The following PPP1R9A variants were observed in gnomAD, a reference collection of about 807,000 sequenced individuals.
The protein encoded by PPP1R9A is protein phosphatase 1 regulatory subunit 9A, also known as neurabin-1.
In PPP1R9A, 59 loss-of-function variants were observed where a neutral mutation model predicts 141.9. The ratio of observed to expected loss-of-function variants is 0.42; its 90% CI spans 0.34 to 0.52. PPP1R9A has a LOEUF of 0.52. PPP1R9A is among the 20% of genes least tolerant of loss of function. PPP1R9A has a pLI of 0.10. For missense variants in PPP1R9A, 1,444 were observed against 1,611.9 expected, an observed-to-expected ratio of 0.90 and a Z score of 1.78; for synonymous variants, 500 against 569.7, an observed-to-expected ratio of 0.88 and a Z score of 1.74.
At chr7:95,075,400 A>G (rs1182937716) in intron 2 of PPP1R9A, among the ~76,000 whole-genome samples, 1 of 152,210 alleles carries the variant, frequency 6.6e-6, no homozygotes, top group African/African-American at 2.4e-5. Flanking sequence ...TCTAGAACCC[A>G]GGAATCAAAC....
chr7:95,149,328 A>T (rs73220028), intron 4 of PPP1R9A, among the ~76,000 whole-genome samples: 1 of 152,082 alleles, frequency 6.6e-6, no homozygotes, highest in Non-Finnish European at 1.5e-5. Flanking sequence ...TCCTGCTAAG[A>T]TTAGGAACTA....
At chr7:94,924,718 C>T (rs984975678) in intron 2 of PPP1R9A, among the ~76,000 whole-genome samples, 3 of 151,954 alleles carry the variant, frequency 2.0e-5, no homozygotes, top group African/African-American at 7.3e-5. Flanking sequence ...TTCGTAGAGA[C>T]GGGGTTTCAC....
At chr7:95,170,131 A>G (rs1831884933) in intron 5 of PPP1R9A, among the ~76,000 whole-genome samples, 1 of 151,766 alleles carries the variant, frequency 6.6e-6, no homozygotes, top group South Asian at 2.1e-4. Context: ...AAATATGCAG[A>G]AGAAAAAATT....
Position 94,910,816 on chromosome 7 carries a change from C to G in PPP1R9A, c.703C>G (p.Pro235Ala). The change falls in exon 2 of 20, where the codon CCC becomes GCC. Residue 235 changes from proline (P) to alanine (A), a missense_variant. By Grantham distance (27) the Pro-to-Ala change is conservative (BLOSUM62 -1). Coordinates refer to ENST00000433360, the MANE Select transcript of PPP1R9A (RefSeq NM_001166160.2). This position sits in a 1 kb window ranked among gnomAD's most constrained non-coding sequence, Gnocchi z 4.5. ...NNEYSVTGHY[P>A]LNLPSVTVTN... ...TGAATACTCAGTGACTGGGCATTAT[C>G]CCTTGAATTTACCATCTGTTACTGT... 1 of 1,613,850 alleles carries G rather than the reference C, an allele frequency of 6.2e-7. No individual in the cohort carries two copies. Among genetic ancestry groups the G allele is most frequent in the Admixed American group, 1.7e-5 (1 of 60,026 alleles).
At chr7:95,268,312 G>A (rs1484555589) in intron 12 of PPP1R9A, among the ~76,000 whole-genome samples, 2 of 151,922 alleles carry the variant, frequency 1.3e-5, no homozygotes, top group African/African-American at 4.8e-5. Flanking sequence ...TATGCTTTTC[G>A]GATGTTGGAT....
chr7:95,187,763 A>G (rs562901503), intron 5 of PPP1R9A, among the ~76,000 whole-genome samples: 12 of 152,254 alleles, frequency 7.9e-5, no homozygotes, highest in African/African-American at 2.9e-4. Flanking sequence ...TTGTTGACCC[A>G]AAGATCATTC....
intron 16 of PPP1R9A, among the ~76,000 whole-genome samples, chr7:95,281,607 A>G (rs2153073908): frequency 6.6e-6 from 1 of 152,296 alleles, no homozygotes; most frequent in Middle Eastern, 3.4e-3. Flanking sequence ...TTTCTTTTCA[A>G]ATGTTGCTTG....
chr7:95,004,498 T>C (rs1803342699), intron 2 of PPP1R9A, among the ~76,000 whole-genome samples: 1 of 152,144 alleles, frequency 6.6e-6, no homozygotes, highest in South Asian at 2.1e-4. Flanking sequence ...AATTAACTAA[T>C]CTATGAGTAC....
chr7:94,994,622 G>C (rs1801929568), intron 2 of PPP1R9A, among the ~76,000 whole-genome samples: 1 of 152,140 alleles, frequency 6.6e-6, no homozygotes, highest in African/African-American at 2.4e-5. Flanking sequence ...CTGGGCGGGT[G>C]TGGTGGCTCA....
chr7:94,952,100 C>T (rs1796541982), intron 2 of PPP1R9A, among the ~76,000 whole-genome samples: 1 of 152,052 alleles, frequency 6.6e-6, no homozygotes, highest in Non-Finnish European at 1.5e-5. Flanking sequence ...AAGGTTATCC[C>T]TCCCCTAGCA....
intron 2 of PPP1R9A, among the ~76,000 whole-genome samples, chr7:95,084,023 CA>C (rs2152302448): frequency 6.6e-6 from 1 of 152,090 alleles, no homozygotes; most frequent in East Asian, 1.9e-4. Flanking sequence ...GATTTCTTAT[CA>C]GGAATATTGT....
At chr7:94,963,934 TTGTC>T (rs1281838014) in intron 2 of PPP1R9A, among the ~76,000 whole-genome samples, 6 of 152,050 alleles carry the variant, frequency 3.9e-5, no homozygotes, top group East Asian at 3.9e-4. Flanking sequence ...TTATTACCCT[TTGTC>T]TGAGTGTTTG....
chr7:95,045,307 G>A (rs1809843077), intron 2 of PPP1R9A, among the ~76,000 whole-genome samples: 1 of 152,148 alleles, frequency 6.6e-6, no homozygotes, highest in Non-Finnish European at 1.5e-5. Context: ...AGACCTAAAC[G>A]GGCACTTTGG....
intron 2 of PPP1R9A, among the ~76,000 whole-genome samples, chr7:95,091,672 A>G (rs66658030): frequency 0.33 from 50,169 of 151,548 alleles, 9,796 homozygotes; most frequent in Non-Finnish European, 0.44. Flanking sequence ...AAAATTACTT[A>G]TGTAATTTAA....
intron 2 of PPP1R9A, among the ~76,000 whole-genome samples, chr7:95,010,803 T>C (rs1356748130): frequency 2.6e-5 from 4 of 152,272 alleles, no homozygotes; most frequent in Middle Eastern, 3.4e-3. Context: ...GTACTATTGC[T>C]ATAACAGATA....
chr7:95,020,041 TATC>T lies in PPP1R9A; in HGVS notation c.1396-91191_1396-91189del, dbSNP rs71125098. ...CAAAAGGAACAAATGGCTATATCAT[TATC>T]ATCATCATCATCATCATCATCATCA... On this transcript the variant is annotated intron_variant, in intron 2 of 19. Transcript: ENST00000433360. Among the ~76,000 whole-genome samples, 1,455 of 150,842 alleles carry T rather than the reference TATC, an allele frequency of 9.6e-3. 26 individuals carry two copies. Among genetic ancestry groups the T allele is most frequent in the East Asian group, 0.04 (207 of 5,146 alleles).
intron 4 of PPP1R9A, among the ~76,000 whole-genome samples, chr7:95,121,652 A>T (rs1264436623): frequency 6.6e-5 from 10 of 152,126 alleles, no homozygotes; most frequent in African/African-American, 2.4e-4. Flanking sequence ...ACATAAATTT[A>T]TATGGCTCAT....
At chr7:95,110,909 T>C (rs749327314) in intron 2 of PPP1R9A, among the ~76,000 whole-genome samples, 19 of 152,256 alleles carry the variant, frequency 1.2e-4, no homozygotes, top group Non-Finnish European at 2.8e-4. Flanking sequence ...TTAGGTAGCT[T>C]CAAGATGGTT....
chr7:95,260,667 ACT>A (rs1800291613), intron 12 of PPP1R9A, among the ~76,000 whole-genome samples: 1 of 127,956 alleles, frequency 7.8e-6, no homozygotes, highest in Admixed American at 7.8e-5. Context: ...ACAGAGCAAG[ACT>A]CTGACTCAAA....
Sources: gnomAD v4.1 joint callset for allele counts (sites outside exome capture counted in the v4.1 genomes callset) on GRCh38, gnomAD v4.1.1 for gene constraint, Gnocchi (gnomAD v3.1) non-coding constraint, MANE v1.5 for transcripts, NCBI Gene and HGNC (gene_info 2026-07-23, HGNC 2026-07-21) for gene names.